BCAS3: variants seen among roughly 807,000 people sequenced by gnomAD.
The protein encoded by BCAS3 is BCAS3 microtubule associated cell migration factor.
A neutral mutation model predicts 116.1 loss-of-function variants in BCAS3; 53 were observed. The ratio of observed to expected loss-of-function variants is 0.46; its 90% confidence interval spans 0.37 to 0.57. The LOEUF is 0.57. Among genes scored for constraint, BCAS3 ranks in the 20% least tolerant of loss-of-function variants. The probability of loss-of-function intolerance (pLI) is 0.00; values close to 1 mark genes in which losing one functional copy is unlikely to be tolerated. For synonymous variants in BCAS3, 391 were observed against 408.2 expected (o/e 0.96, Z 0.51); for missense variants, 917 against 1,165.4 (o/e 0.79, Z 3.10).
intron 5 of BCAS3, among the ~76,000 whole-genome samples, chr17:60,717,122 A>G (rs1261252315): frequency 1.3e-5 from 2 of 152,206 alleles, no homozygotes; most frequent in Admixed American, 6.5e-5. Context: ...GAAGTTATCC[A>G]TATGGGTATT....
At chr17:61,246,827 G>GTGTGTGTGTA (rs1217444834) in intron 22 of BCAS3, among the ~76,000 whole-genome samples, 106 of 149,910 alleles carry the variant, frequency 7.1e-4, no homozygotes, top group African/African-American at 2.4e-3. Flanking sequence ...GTGTGTGTGT[G>GTGTGTGTGTA]TGTATGTGTG....
intron 22 of BCAS3, among the ~76,000 whole-genome samples, chr17:61,116,925 G>C (rs1484368775): frequency 6.6e-6 from 1 of 152,006 alleles, no homozygotes; most frequent in South Asian, 2.1e-4. Flanking sequence ...TTTTTTCTTT[G>C]TCTTTCATTT....
At chr17:60,884,693 C>CT (rs1567786744) in intron 9 of BCAS3, among the ~76,000 whole-genome samples, 3 of 143,040 alleles carry the variant, frequency 2.1e-5, no homozygotes, top group Non-Finnish European at 4.6e-5. Flanking sequence ...GCCTTCATTT[C>CT]GTTATGTACC....
At chr17:61,253,236 C>A (rs2048507573) in intron 22 of BCAS3, among the ~76,000 whole-genome samples, 3 of 151,658 alleles carry the variant, frequency 2.0e-5, no homozygotes, top group Admixed American at 2.0e-4. Context: ...GTCTCAGTTT[C>A]CTTGTCTACA....
chr17:60,862,143 C>A (rs929105237), intron 7 of BCAS3, among the ~76,000 whole-genome samples: 1 of 152,136 alleles, frequency 6.6e-6, no homozygotes, highest in Non-Finnish European at 1.5e-5. Context: ...ATTAGCCGGG[C>A]ATGGTGGCAA....
intron 6 of BCAS3, among the ~76,000 whole-genome samples, chr17:60,780,138 G>C (rs757003169): frequency 6.6e-6 from 1 of 151,320 alleles, no homozygotes; most frequent in African/African-American, 2.4e-5. Flanking sequence ...CTACAGGCAC[G>C]TGCCACCACA....
At position 61,332,982 on chromosome 17, in the gene BCAS3, G is replaced by A. The variant is rs10438770; in HGVS notation, c.2426-35345G>A. ...TCATATTACAAGTCTAGGGCAGAGC[G>A]GGGACTATATTCTGGCTTCCTGACT... On this transcript the variant is annotated intron_variant, in intron 22 of 23. Coordinates refer to ENST00000407086, the MANE Select transcript of BCAS3 (RefSeq NM_017679.5). The surrounding 1 kb of genome is among the most constrained non-coding windows in gnomAD (Gnocchi z 5.4). Among the ~76,000 whole-genome samples, 9,293 of 152,244 alleles carry A rather than the reference G, an allele frequency of 0.061. 944 individuals carry two copies. Among genetic ancestry groups the A allele is most frequent in the African/African-American group, 0.21 (8,795 of 41,502 alleles).
At position 61,156,259 on chromosome 17, in the gene BCAS3, T is replaced by G. The variant is rs1474363330; in HGVS notation, c.2425+71695T>G. On this transcript the variant is annotated intron_variant, in intron 22 of 23. Transcript: ENST00000407086. The surrounding 1 kb of genome is among the most constrained non-coding windows in gnomAD (Gnocchi z 4.7). The stretch of plus-strand genomic sequence containing the variant: ...TTGGGTCAATGTATTCATTTTGGTC[T>G]TCTTTTCAGGGATTGGAATTGAGCC... Among the ~76,000 whole-genome samples, 2 of 152,188 alleles carry G rather than the reference T, an allele frequency of 1.3e-5. No homozygotes were observed. The highest frequency in any genetic ancestry group is 2.9e-5 in the Non-Finnish European group (2 of 68,040).
At chr17:60,761,526 G>A (rs938061311) in intron 6 of BCAS3, among the ~76,000 whole-genome samples, 28 of 152,248 alleles carry the variant, frequency 1.8e-4, no homozygotes, top group African/African-American at 5.8e-4. Context: ...TCCCTGCAAA[G>A]GACATGAACT....
Position 61,019,312 on chromosome 17 carries a change from G to A in BCAS3, c.1637+3411G>A, listed in dbSNP as rs943102604. 1.3e-5 allele frequency among the ~76,000 whole-genome samples: 2 copies of A among 152,224 alleles called. No homozygotes were observed. The highest frequency in any genetic ancestry group is 4.8e-5 in the African/African-American group (2 of 41,464). ...AGAATCTAATGCCTCATGATCTGAAGTGAAACTTCCATGAAACCTATTCCT... is the reference window on the plus strand; with the variant it reads ...AGAATCTAATGCCTCATGATCTGAAATGAAACTTCCATGAAACCTATTCCT... On this transcript the variant is annotated intron_variant, in intron 16 of 23. Transcript: ENST00000407086. The surrounding 1 kb of genome is among the most constrained non-coding windows in gnomAD (Gnocchi z 5.6).
chr17:60,891,810 C>G, intron 10 of BCAS3: 1 of 451,950 alleles, frequency 2.2e-6, no homozygotes, highest in Non-Finnish European at 4.4e-6. Flanking sequence ...CCTCTTCCCT[C>G]CCCCTTTTGG....
chr17:61,094,489 T>C (rs759282800), intron 22 of BCAS3, among the ~76,000 whole-genome samples: 1 of 152,232 alleles, frequency 6.6e-6, no homozygotes, highest in African/African-American at 2.4e-5. Flanking sequence ...TAGCTTTCAA[T>C]TGAAAATTAG....
At chr17:60,812,263 G>A (rs1038163803) in intron 7 of BCAS3, among the ~76,000 whole-genome samples, 3 of 152,072 alleles carry the variant, frequency 2.0e-5, no homozygotes, top group African/African-American at 4.8e-5. Context: ...TTAAACTGAC[G>A]AAAGGCAGAT....
rs1194685586 is a variant in BCAS3 at position 61,028,176 on chromosome 17, A to G, written c.1638-6490A>G. Among the ~76,000 whole-genome samples the G allele has an allele frequency of 1.3e-5, 2 of 151,918 alleles. No individual in the cohort carries two copies. The highest frequency in any genetic ancestry group is 4.8e-5 in the African/African-American group (2 of 41,440). On this transcript the variant is annotated intron_variant, in intron 16 of 23. Coordinates refer to ENST00000407086, the MANE Select transcript of BCAS3 (RefSeq NM_017679.5). This position sits in a 1 kb window ranked among gnomAD's most constrained non-coding sequence, Gnocchi z 4.3. ...TCTTTAAGGTTAATTATTATTTGAC[A>G]CAAACTTATTTCAATGTTTATATGC...
chr17:60,961,884 A>C lies in BCAS3; in HGVS notation c.1221+14532A>C, dbSNP rs2061428712. ...AACCCACTCATCATGCTTATGAACT[A>C]CAAAAGGATCAAAGATCCACTTTTG... On this transcript the variant is annotated intron_variant, in intron 14 of 23. Coordinates refer to ENST00000407086, the MANE Select transcript of BCAS3 (RefSeq NM_017679.5). The surrounding 1 kb of genome is among the most constrained non-coding windows in gnomAD (Gnocchi z 4.8). 6.6e-6 allele frequency among the ~76,000 whole-genome samples: 1 copy of C among 152,038 alleles called. No individual in the cohort carries two copies. Among genetic ancestry groups the C allele is most frequent in the Admixed American group, 6.5e-5 (1 of 15,268 alleles).
At chr17:61,260,877 G>A (rs931063999) in intron 22 of BCAS3, among the ~76,000 whole-genome samples, 1 of 152,160 alleles carries the variant, frequency 6.6e-6, no homozygotes, top group Non-Finnish European at 1.5e-5. Context: ...TTACCAATAT[G>A]CTGCCTTTAC....
chr17:61,137,252 A>G (rs1443991728), intron 22 of BCAS3, among the ~76,000 whole-genome samples: 2 of 152,190 alleles, frequency 1.3e-5, no homozygotes, highest in African/African-American at 4.8e-5. Flanking sequence ...CTTAAAATCG[A>G]GGTAACTAGC....
Position 61,368,518 on chromosome 17 carries a change from G to C in BCAS3, c.2593+24G>C. ...AGGTAAAGGTGTCATCAGACTTCTA[G>C]CCTGATTTGGTCAGGACCAGCACCT... On this transcript the variant is annotated intron_variant, in intron 23 of 23. Transcript: ENST00000407086. The surrounding 1 kb of genome is among the most constrained non-coding windows in gnomAD (Gnocchi z 6.0). The C allele has an allele frequency of 6.3e-7, 1 of 1,577,326 alleles. No homozygotes were observed. Among genetic ancestry groups the C allele is most frequent in the East Asian group, 2.3e-5 (1 of 43,946 alleles).
At chr17:61,089,371 G>C (rs1168550641) in intron 22 of BCAS3, among the ~76,000 whole-genome samples, 2 of 151,564 alleles carry the variant, frequency 1.3e-5, no homozygotes, top group African/African-American at 4.8e-5. Context: ...TATTTGAGCA[G>C]TTTTTGTTTT....
Sources: gnomAD v4.1 joint callset for allele counts (sites outside exome capture counted in the v4.1 genomes callset) on GRCh38, gnomAD v4.1.1 for gene constraint, Gnocchi (gnomAD v3.1) non-coding constraint, MANE v1.5 for transcripts, NCBI Gene and HGNC (gene_info 2026-07-23, HGNC 2026-07-21) for gene names.